Variants in BCAS3 observed in about 807,000 individuals in gnomAD.
The protein encoded by BCAS3 is BCAS4/BCAS3 fusion.
In BCAS3, 53 loss-of-function variants were observed where a neutral mutation model predicts 116.1. That is an observed-to-expected ratio of 0.46 (90% CI 0.37 to 0.57). The LOEUF is 0.57. Among genes scored for constraint, BCAS3 ranks in the 20% least tolerant of loss-of-function variants. The probability of loss-of-function intolerance (pLI) is 0.00; values close to 1 mark genes in which losing one functional copy is unlikely to be tolerated. For synonymous variants in BCAS3, 391 were observed against 408.2 expected (o/e 0.96, Z 0.51); for missense variants, 917 against 1,165.4 (o/e 0.79, Z 3.10).
At position 61,343,048 on chromosome 17, in the gene BCAS3, A is replaced by G. The variant is rs1014193137; in HGVS notation, c.2426-25279A>G. On this transcript the variant is annotated intron_variant, in intron 22 of 23. Transcript: ENST00000407086. This position sits in a 1 kb window ranked among gnomAD's most constrained non-coding sequence, Gnocchi z 5.5. Reference sequence around the variant, plus strand: ...ATTACAGGCGTGAGCCACTGAGCCCAGCCGAGATTTTCTTTTAAAGGAAGG... The same window carrying G: ...ATTACAGGCGTGAGCCACTGAGCCCGGCCGAGATTTTCTTTTAAAGGAAGG... Among the ~76,000 whole-genome samples the G allele has an allele frequency of 1.3e-5, 2 of 152,156 alleles. No homozygotes were observed. The highest frequency in any genetic ancestry group is 6.5e-5 in the Admixed American group (1 of 15,278).
intron 7 of BCAS3, chr17:60,851,598 G>T: frequency 1.6e-6 from 1 of 642,230 alleles, no homozygotes; most frequent in Non-Finnish European, 2.9e-6. Context: ...TTGAAACGAG[G>T]AAGTACAAAT....
At chr17:61,153,523 C>A (rs111569324) in intron 22 of BCAS3, among the ~76,000 whole-genome samples, 164 of 152,244 alleles carry the variant, frequency 1.1e-3, no homozygotes, top group African/African-American at 3.8e-3. Context: ...CTCACCAAAC[C>A]CCCAGTGTAA....
rs2077882047 is a variant in BCAS3, at chr17:61,156,987, T to C, written c.2425+72423T>C. ...TCTCCTATAAATTTAGTATTAAATT[T>C]CAAAATACGTATTTGTTTTAAAAAG... On this transcript the variant is annotated intron_variant, in intron 22 of 23. Coordinates refer to ENST00000407086, the MANE Select transcript of BCAS3 (RefSeq NM_017679.5). The surrounding 1 kb of genome is among the most constrained non-coding windows in gnomAD (Gnocchi z 4.7). Among the ~76,000 whole-genome samples, 1 of 152,242 alleles carries C rather than the reference T, an allele frequency of 6.6e-6. No individual in the cohort carries two copies. Among genetic ancestry groups the C allele is most frequent in the Non-Finnish European group, 1.5e-5 (1 of 68,036 alleles).
At position 60,964,232 on chromosome 17, in the gene BCAS3, G is replaced by T. The variant is rs541918466; in HGVS notation, c.1221+16880G>T. 3.9e-5 allele frequency among the ~76,000 whole-genome samples: 6 copies of T among 152,100 alleles called. No homozygotes were observed. The highest frequency in any genetic ancestry group is 1.9e-4 in the East Asian group (1 of 5,176). ...GTTTCTATACCCATTTTGATTAGGG[G>T]TTTTTTTATATCATAAAGGATGTTG... On this transcript the variant is annotated intron_variant, in intron 14 of 23. Coordinates refer to ENST00000407086, the MANE Select transcript of BCAS3 (RefSeq NM_017679.5). This position sits in a 1 kb window ranked among gnomAD's most constrained non-coding sequence, Gnocchi z 4.6.
intron 10 of BCAS3, among the ~76,000 whole-genome samples, chr17:60,901,192 C>T (rs1014130158): frequency 1.2e-4 from 18 of 149,962 alleles, no homozygotes; most frequent in Non-Finnish European, 2.1e-4. Flanking sequence ...GCCTGGGTGA[C>T]GGAGTGAGAC....
intron 22 of BCAS3, among the ~76,000 whole-genome samples, chr17:61,167,738 G>C (rs2078599594): frequency 6.6e-6 from 1 of 152,176 alleles, no homozygotes; most frequent in African/African-American, 2.4e-5. Context: ...GAGAAACCCT[G>C]TTTATCAGGA....
chr17:60,828,520 T>C (rs1039055517), intron 7 of BCAS3, among the ~76,000 whole-genome samples: 2 of 152,184 alleles, frequency 1.3e-5, no homozygotes, highest in Admixed American at 1.3e-4. Context: ...AAAAGGTAAT[T>C]TGCTGTAACT....
chr17:61,279,715 ATAG>A lies in BCAS3; in HGVS notation c.2426-88610_2426-88608del, dbSNP rs1286618480. 1.3e-5 allele frequency among the ~76,000 whole-genome samples: 2 copies of A among 151,910 alleles called. No individual in the cohort carries two copies. The highest frequency in any genetic ancestry group is 2.1e-4 in the South Asian group (1 of 4,788). ...GTGTAGACCACAAACCATGTTTAAAATAGTGGGCTAAGCCACTGGGCCTCCATG... is the reference window on the plus strand; with the variant it reads ...GTGTAGACCACAAACCATGTTTAAAATGGGCTAAGCCACTGGGCCTCCATG... On this transcript the variant is annotated intron_variant, in intron 22 of 23. Transcript: ENST00000407086. The surrounding 1 kb of genome is among the most constrained non-coding windows in gnomAD (Gnocchi z 4.4).
intron 7 of BCAS3, among the ~76,000 whole-genome samples, chr17:60,855,812 T>G (rs557554126): frequency 6.6e-6 from 1 of 152,076 alleles, no homozygotes; most frequent in African/African-American, 2.4e-5. Flanking sequence ...ACCCCCAAAG[T>G]AGCTGGGACC....
chr17:61,209,538 C>T (rs747418305), intron 22 of BCAS3, among the ~76,000 whole-genome samples: 11 of 152,082 alleles, frequency 7.2e-5, no homozygotes, highest in Non-Finnish European at 1.5e-4. Flanking sequence ...TCTATTTATC[C>T]GAAATGTCAA....
At chr17:60,850,196 C>G (rs2052953834) in intron 7 of BCAS3, among the ~76,000 whole-genome samples, 1 of 152,028 alleles carries the variant, frequency 6.6e-6, no homozygotes, top group Admixed American at 6.6e-5. Flanking sequence ...AGTTTCACCC[C>G]TTGAGTTGTA....
intron 12 of BCAS3, among the ~76,000 whole-genome samples, chr17:60,913,500 C>CT (rs2058623786): frequency 6.6e-6 from 1 of 152,040 alleles, no homozygotes; most frequent in African/African-American, 2.4e-5. Flanking sequence ...GTTTTTGTCT[C>CT]TGATAAGTAG....
In BCAS3 at chr17:61,380,409, G is replaced by A. The variant is rs2059549805; in HGVS notation, c.2594-11568G>A. 1 of 1,182,284 alleles carries A rather than the reference G, an allele frequency of 8.5e-7. No homozygotes were observed. The highest frequency in any genetic ancestry group is 1.9e-4 in the Middle Eastern group (1 of 5,262). The allele number at this position is 1,182,284 out of a possible 1,614,324, so 73.2% of individuals were successfully genotyped here. A position where few individuals can be genotyped will look rare whatever the true frequency, so the allele number is the denominator to read the frequency against. On this transcript the variant is annotated intron_variant, in intron 23 of 23. Transcript: ENST00000407086. The surrounding 1 kb of genome is among the most constrained non-coding windows in gnomAD (Gnocchi z 4.2). ...CGCAAAGCTCTCAGTGGTCAAACCA[G>A]ATTTGGGTATCGACTCACTTTGATC...
chr17:61,110,813 G>A, intron 22 of BCAS3, among the ~76,000 whole-genome samples: 1 of 152,158 alleles, frequency 6.6e-6, no homozygotes, highest in East Asian at 1.9e-4. Flanking sequence ...CAAAAAGACA[G>A]CAGTAACCTC....
intron 10 of BCAS3, among the ~76,000 whole-genome samples, chr17:60,894,324 A>G (rs1239499233): frequency 6.6e-6 from 1 of 151,718 alleles, no homozygotes; most frequent in Non-Finnish European, 1.5e-5. Context: ...TTATATATAT[A>G]TTTTCGTAAC....
intron 5 of BCAS3, among the ~76,000 whole-genome samples, chr17:60,717,479 G>C (rs1376489211): frequency 6.6e-6 from 1 of 152,086 alleles, no homozygotes; most frequent in Admixed American, 6.6e-5. Context: ...GCCTCCCAAA[G>C]TGCTGGGATT....
intron 5 of BCAS3, among the ~76,000 whole-genome samples, chr17:60,711,659 T>C (rs1310037549): frequency 6.6e-6 from 1 of 152,172 alleles, no homozygotes; most frequent in East Asian, 1.9e-4. Flanking sequence ...TTAAGGTCTT[T>C]ATTTCTCCTT....
intron 22 of BCAS3, among the ~76,000 whole-genome samples, chr17:61,329,637 G>C (rs765244183): frequency 6.6e-6 from 1 of 152,050 alleles, no homozygotes; most frequent in Admixed American, 6.5e-5. Context: ...CACCATGCCC[G>C]GCCTATGTTG....
At chr17:60,856,787 A>C (rs1298985598) in intron 7 of BCAS3, among the ~76,000 whole-genome samples, 1 of 152,156 alleles carries the variant, frequency 6.6e-6, no homozygotes, top group East Asian at 1.9e-4. Context: ...TTTTCCTTTT[A>C]AGAAATCTGG....
Sources: allele counts gnomAD v4.1 joint callset (sites outside exome capture counted in the v4.1 genomes callset), GRCh38; gene constraint gnomAD v4.1.1; non-coding constraint Gnocchi (gnomAD v3.1); transcripts MANE v1.5; gene names NCBI Gene and HGNC (gene_info 2026-07-23, HGNC 2026-07-21).